The following FBLN2 variants were observed in gnomAD, a reference collection of about 807,000 sequenced individuals.
FBLN2 encodes the protein fibulin-2.
In FBLN2, 81 loss-of-function variants were observed where a neutral mutation model predicts 123.7. The ratio of observed to expected loss-of-function variants is 0.65; its 90% confidence interval spans 0.55 to 0.79. The LOEUF (loss-of-function observed/expected upper bound fraction) is 0.79, where lower values mean the gene tolerates loss of function less well. Ranked by LOEUF, FBLN2 falls within the 30% of genes least tolerant of loss-of-function variation. The pLI is 0.00. For missense variants in FBLN2, 1,603 were observed against 1,681.3 expected (o/e 0.95, Z 0.81); for synonymous variants, 699 against 701.4 (o/e 1.00, Z 0.05).
chr3:13,577,083 T>C (rs1273746996), intron 2 of FBLN2, among the ~76,000 whole-genome samples: 1 of 151,486 alleles, frequency 6.6e-6, no homozygotes, highest in Admixed American at 6.6e-5. Context: ...ATTAGCTGGG[T>C]GTGGTGGTAG....
intron 16 of FBLN2, among the ~76,000 whole-genome samples, chr3:13,632,790 C>A (rs1417122736): frequency 1.3e-5 from 2 of 151,980 alleles, no homozygotes; most frequent in Non-Finnish European, 2.9e-5. Context: ...GCTCGGCCCA[C>A]AGAAGCTGGC....
At chr3:13,637,192 G>C (rs949936294) in intron 17 of FBLN2, among the ~76,000 whole-genome samples, 1 of 152,164 alleles carries the variant, frequency 6.6e-6, no homozygotes, top group Non-Finnish European at 1.5e-5. Context: ...AGGGACACTG[G>C]GTGCACTGGG....
At chr3:13,549,743 C>G (rs1010590526) in intron 1 of FBLN2, among the ~76,000 whole-genome samples, 1 of 151,990 alleles carries the variant, frequency 6.6e-6, no homozygotes, top group Non-Finnish European at 1.5e-5. Context: ...TCTGCACGCT[C>G]TGCATTGGCG....
rs569639851 is a variant in FBLN2, at chr3:13,549,417, C to T, written c.-42+209C>T. Among the ~76,000 whole-genome samples the T allele has an allele frequency of 7.8e-3, 1,186 of 151,740 alleles. 17 individuals carry two copies. Among genetic ancestry groups the T allele is most frequent in the African/African-American group, 0.027 (1,138 of 41,440 alleles). On this transcript the variant is annotated intron_variant, in intron 1 of 17. Coordinates refer to ENST00000404922, the MANE Select transcript of FBLN2 (RefSeq NM_001004019.2). ...GGGACGGCCCGCGAGCGCCGCGACC[C>T]AGTGTACAGATGCGGGCACAGAGGC...
chr3:13,555,667 G>A (rs1340250416), intron 1 of FBLN2, among the ~76,000 whole-genome samples: 2 of 151,902 alleles, frequency 1.3e-5, no homozygotes, highest in African/African-American at 2.4e-5. Flanking sequence ...TGTTAGCCAG[G>A]ATGGTCTCGA....
At chr3:13,593,500 G>A (rs1270867618) in intron 2 of FBLN2, among the ~76,000 whole-genome samples, 1 of 152,054 alleles carries the variant, frequency 6.6e-6, no homozygotes, top group Admixed American at 6.6e-5. Flanking sequence ...TGGATCACGA[G>A]GTCAGGAGTT....
At chr3:13,628,809 C>A (rs1706139433) in intron 11 of FBLN2, 96 bp from the exon 12 acceptor site, 1 of 1,447,106 alleles carries the variant, frequency 6.9e-7, no homozygotes, top group Non-Finnish European at 9.3e-7. Flanking sequence ...AGGTCTGGAG[C>A]CCAGGACCGA....
At chr3:13,559,713 G>GGTGGAGCTGGGTGTGTATTATCC (rs2125034878) in intron 1 of FBLN2, among the ~76,000 whole-genome samples, 1 of 152,280 alleles carries the variant, frequency 6.6e-6, no homozygotes, top group East Asian at 1.9e-4. Context: ...TGCTTTTTTT[G>GGTGGAGCTGGGTGTGTATTATCC]GTGGAGCTGG....
chr3:13,603,195 G>A (rs1356981989), intron 2 of FBLN2, among the ~76,000 whole-genome samples: 1 of 151,154 alleles, frequency 6.6e-6, no homozygotes, highest in East Asian at 1.9e-4. Context: ...ACAGGTGTGA[G>A]CCACTACGCC....
At chr3:13,560,119 T>C (rs1475991794) in intron 1 of FBLN2, among the ~76,000 whole-genome samples, 1 of 152,224 alleles carries the variant, frequency 6.6e-6, no homozygotes, top group African/African-American at 2.4e-5. Flanking sequence ...TGATTAAAAG[T>C]CACGGACATT....
intron 2 of FBLN2, among the ~76,000 whole-genome samples, chr3:13,576,904 C>T (rs549457291): frequency 6.6e-6 from 1 of 152,304 alleles, no homozygotes; most frequent in African/African-American, 2.4e-5. Flanking sequence ...GAATTATCTG[C>T]TGTAATGTCA....
In FBLN2 at chr3:13,618,672, C is replaced by G. The variant is rs866920781; in HGVS notation, c.1940-232C>G. ...TCCAGACACTCTTTTTCCTTTCCCCCCTCTCTTCTTCCTTGCCTCCTTTCC... is the reference window on the plus strand; with the variant it reads ...TCCAGACACTCTTTTTCCTTTCCCCGCTCTCTTCTTCCTTGCCTCCTTTCC... On this transcript the variant is annotated intron_variant, in intron 6 of 17. Transcript: ENST00000404922. Among the ~76,000 whole-genome samples the G allele has an allele frequency of 3.3e-5, 5 of 152,246 alleles. No individual in the cohort carries two copies. In the Middle Eastern group the frequency reaches 0.01, roughly 311 times the overall value.
chr3:13,614,718 C>G (rs1281695231), intron 5 of FBLN2, among the ~76,000 whole-genome samples: 1 of 151,234 alleles, frequency 6.6e-6, no homozygotes, highest in Non-Finnish European at 1.5e-5. Flanking sequence ...ATCCATCTAT[C>G]CATCCATTCA....
At chr3:13,617,736 C>T (rs1351308071) in intron 5 of FBLN2, among the ~76,000 whole-genome samples, 2 of 98,100 alleles carry the variant, frequency 2.0e-5, no homozygotes, top group Non-Finnish European at 4.2e-5. Context: ...TCCACCCCCC[C>T]CACCCCCCCA....
In FBLN2 at chr3:13,626,442, C is replaced by A. The variant is rs759241539; in HGVS notation, c.2297-3C>A. 6.3e-7 allele frequency: 1 copy of A among 1,577,086 alleles called. No individual in the cohort carries two copies. The highest frequency in any genetic ancestry group is 8.6e-7 in the Non-Finnish European group (1 of 1,159,382). On this transcript the variant is annotated splice_polypyrimidine_tract_variant and splice_region_variant and intron_variant, in intron 9 of 17. Coordinates refer to ENST00000404922, the MANE Select transcript of FBLN2 (RefSeq NM_001004019.2). ...GCCTCTGATGGCCTCGCTCTCCCTG[C>A]AGACATCAACGAGTGTGTGACGGAC...
intron 1 of FBLN2, among the ~76,000 whole-genome samples, chr3:13,559,954 TGG>T (rs989532393): frequency 4.0e-5 from 6 of 151,768 alleles, no homozygotes; most frequent in African/African-American, 1.2e-4. Context: ...GAGCGCCAGG[TGG>T]GGAGGGTGGT....
At chr3:13,561,239 A>C (rs1227752165) in intron 1 of FBLN2, among the ~76,000 whole-genome samples, 3 of 152,186 alleles carry the variant, frequency 2.0e-5, no homozygotes, top group African/African-American at 7.2e-5. Flanking sequence ...GATTTCTCAA[A>C]AGGGGTGTCT....
chr3:13,581,566 G>A (rs1305357617), intron 2 of FBLN2, among the ~76,000 whole-genome samples: 1 of 152,168 alleles, frequency 6.6e-6, no homozygotes, highest in South Asian at 2.1e-4. Flanking sequence ...TAGCAGGGCC[G>A]CTGCTTTTGC....
chr3:13,622,089 C>T (rs1705874028), intron 9 of FBLN2, among the ~76,000 whole-genome samples, 174 bp downstream of exon 9: 1 of 152,202 alleles, frequency 6.6e-6, no homozygotes, highest in African/African-American at 2.4e-5. Flanking sequence ...TCTTGTCCCG[C>T]TTGGCTGCCA....
Sources: allele counts gnomAD v4.1 joint callset (sites outside exome capture counted in the v4.1 genomes callset), GRCh38; gene constraint gnomAD v4.1.1; transcripts MANE v1.5; gene names NCBI Gene and HGNC (gene_info 2026-07-23, HGNC 2026-07-21).